Variants in CALD1 observed in about 807,000 individuals in gnomAD.
The protein encoded by CALD1 is caldesmon.
Under a neutral mutation model 99.9 loss-of-function variants are expected in CALD1, and 33 were observed. The ratio of observed to expected loss-of-function variants is 0.33; its 90% CI spans 0.25 to 0.44. The LOEUF (loss-of-function observed/expected upper bound fraction) is 0.44, where lower values mean the gene tolerates loss of function less well. CALD1 is among the 20% of genes least tolerant of loss of function. The pLI, the probability that CALD1 is intolerant of heterozygous loss-of-function variation, is 1.00. For synonymous variants in CALD1, 310 were observed against 325.0 expected, an observed-to-expected ratio of 0.95 and a Z score of 0.50; for missense variants, 861 against 962.1, an observed-to-expected ratio of 0.89 and a Z score of 1.39.
chr7:134,719,619 C>A, the CALD1 span, among the ~76,000 whole-genome samples: 2 of 152,192 alleles, frequency 1.3e-5, no homozygotes, highest in Admixed American at 1.3e-4. Context: ...GGAGAGATTT[C>A]TCCAAGCACA....
chr7:134,834,384 T>C (rs185771195), intron 1 of CALD1, among the ~76,000 whole-genome samples: 39 of 152,292 alleles, frequency 2.6e-4, no homozygotes, highest in African/African-American at 8.7e-4. Flanking sequence ...CAAAAACAGA[T>C]GTAGTGATTG....
intron 14 of CALD1, 140 bp downstream of exon 14, chr7:134,965,526 A>C: frequency 1.7e-6 from 1 of 604,150 alleles, no homozygotes; most frequent in South Asian, 2.0e-5. Context: ...AAAGACCAGT[A>C]CATAACACAG....
chr7:134,835,375 C>T (rs1394670762), intron 1 of CALD1, among the ~76,000 whole-genome samples: 1 of 152,098 alleles, frequency 6.6e-6, no homozygotes, highest in Non-Finnish European at 1.5e-5. Flanking sequence ...TTGGTTGGAA[C>T]GTGGGAAAGA....
chr7:134,807,438 G>C (rs951592967), intron 1 of CALD1, among the ~76,000 whole-genome samples: 5 of 152,062 alleles, frequency 3.3e-5, no homozygotes, highest in African/African-American at 1.2e-4. Context: ...TCTCCGACCA[G>C]TTTCTAAACT....
At chr7:134,968,134 A>G (rs933320060) in intron 14 of CALD1, among the ~76,000 whole-genome samples, 1 of 152,170 alleles carries the variant, frequency 6.6e-6, no homozygotes, top group Non-Finnish European at 1.5e-5. Flanking sequence ...GTGACAGAGC[A>G]AGATTCCATC....
intron 9 of CALD1, among the ~76,000 whole-genome samples, chr7:134,954,302 A>G (rs1231645995): frequency 6.6e-6 from 1 of 152,118 alleles, no homozygotes; most frequent in African/African-American, 2.4e-5. Flanking sequence ...TATTGCCTTT[A>G]TTGGTTGGGG....
chr7:134,793,922 A>G (rs111831243), intron 1 of CALD1, among the ~76,000 whole-genome samples: 3,542 of 150,684 alleles, frequency 0.024, 103 homozygotes, highest in African/African-American at 0.068. Flanking sequence ...TCTCCTCCTC[A>G]TTCCTTCACT....
At chr7:134,805,905 C>T (rs1364056513) in intron 1 of CALD1, among the ~76,000 whole-genome samples, 2 of 152,094 alleles carry the variant, frequency 1.3e-5, no homozygotes, top group South Asian at 2.1e-4. Flanking sequence ...GGACTATAGA[C>T]ACGTGCCACC....
At position 134,935,729 on chromosome 7, in the gene CALD1, G is replaced by C. The variant is rs759894543; in HGVS notation, c.1350G>C (p.Lys450Asn). 5.7e-5 allele frequency: 92 copies of C among 1,602,366 alleles called. No individual in the cohort carries two copies. Among genetic ancestry groups the C allele is most frequent in the Admixed American group, 4.9e-4 (28 of 57,366 alleles). ...KGTKVQAKRE[K>N]LQEDKPTFKK... ...CTAAAGTGCAAGCTAAAAGAGAAAA[G>C]CTCCAAGAAGACAAGCCTACCTTCA... Residue 450 changes from lysine to asparagine, a missense_variant, in exon 6 of 15, where the codon AAG (lysine) becomes AAC (asparagine). By Grantham distance (94) the Lys-to-Asn change is moderately conservative. Transcript: ENST00000361675.
chr7:134,935,134 T>C (rs539034682), intron 5 of CALD1, among the ~76,000 whole-genome samples: 6 of 152,264 alleles, frequency 3.9e-5, no homozygotes, highest in Admixed American at 1.3e-4. Flanking sequence ...CACAAATTCA[T>C]GTGGCCTGAG....
In CALD1 at chr7:134,891,804, C is replaced by T. The variant is rs1802217120; in HGVS notation, c.71+24000C>T. 3 of 732,898 alleles carry T rather than the reference C, an allele frequency of 4.1e-6. No homozygotes were observed. The South Asian group carries it at 6.0e-5, about 15-fold the overall frequency. The allele number at this position is 732,898 out of a possible 1,614,324, so 45.4% of individuals were successfully genotyped here. On this transcript the variant is annotated intron_variant, in intron 3 of 14. Coordinates refer to ENST00000361675, the MANE Select transcript of CALD1 (RefSeq NM_033138.4). ...GGAGGGGAGAGGAGGAGACACCAGG[C>T]AGGAAAGGAATGCAGTGAGTGTGTG...
chr7:134,775,667 T>C (rs7786244), upstream of CALD1, among the ~76,000 whole-genome samples: 112,822 of 151,386 alleles, frequency 0.75, 43,459 homozygotes, highest in East Asian at 1. Context: ...GCTGAGATCG[T>C]GCCACTGCAC....
At position 134,754,745 on chromosome 7, in the gene CALD1, T is replaced by TACTCA. The variant is rs141975052; in HGVS notation, c.-130+10385_-130+10386insCAACT. 6.6e-4 allele frequency among the ~76,000 whole-genome samples: 100 copies of TACTCA among 151,316 alleles called. 1 individual carries two copies. The highest frequency in any genetic ancestry group is 5.9e-4 in the East Asian group (3 of 5,118). ...ACATATAGAGTTCATTCTACTCAAC[T>TACTCA]ACTAAACGCTAACTATGGACAAATA... On this transcript the variant is annotated intron_variant, in intron 1 of 13. Coordinates refer to the CALD1 transcript ENST00000417172.
intron 2 of CALD1, among the ~76,000 whole-genome samples, chr7:134,848,554 C>CA (rs1230379024): frequency 2.0e-5 from 3 of 152,092 alleles, no homozygotes; most frequent in Non-Finnish European, 2.9e-5. Context: ...ATGGGGCATC[C>CA]TGAGTTTGGG....
At chr7:134,936,757 T>C (rs577952066) in intron 6 of CALD1, among the ~76,000 whole-genome samples, 1 of 152,248 alleles carries the variant, frequency 6.6e-6, no homozygotes, top group South Asian at 2.1e-4. Context: ...TAGTTCATGT[T>C]ACATATTACA....
intron 13 of CALD1, chr7:134,960,921 T>C (rs1808213400): frequency 4.7e-6 from 1 of 214,740 alleles, no homozygotes; most frequent in East Asian, 1.1e-4. Context: ...TCTATTTGTT[T>C]AGCTTCTATT....
At chr7:134,713,791 A>C in the CALD1 span, among the ~76,000 whole-genome samples, 1 of 152,154 alleles carries the variant, frequency 6.6e-6, no homozygotes, top group African/African-American at 2.4e-5. Context: ...AAACTCATGA[A>C]GTTAAGAAAA....
At chr7:134,796,256 C>T (rs889752941) in intron 1 of CALD1, among the ~76,000 whole-genome samples, 5 of 152,168 alleles carry the variant, frequency 3.3e-5, no homozygotes, top group Non-Finnish European at 5.9e-5. Context: ...CCTTGTGCCT[C>T]GGGCTTCTTA....
At chr7:134,728,718 G>A in the CALD1 span, among the ~76,000 whole-genome samples, 1 of 152,166 alleles carries the variant, frequency 6.6e-6, no homozygotes, top group Non-Finnish European at 1.5e-5. Flanking sequence ...ATTTGGGATG[G>A]AAAGATCTCT....
Sources: gnomAD v4.1 joint callset for allele counts (sites outside exome capture counted in the v4.1 genomes callset) on GRCh38, gnomAD v4.1.1 for gene constraint, MANE v1.5 for transcripts, NCBI Gene and HGNC (gene_info 2026-07-23, HGNC 2026-07-21) for gene names.